Variants in ALDH1L1 observed in about 807,000 individuals in gnomAD.
ALDH1L1 encodes aldehyde dehydrogenase 1 family member L1.
In ALDH1L1, 68 loss-of-function variants were observed where a neutral mutation model predicts 101.1. The ratio of observed to expected loss-of-function variants is 0.67; its 90% CI spans 0.55 to 0.82. The LOEUF (loss-of-function observed/expected upper bound fraction) is 0.82, where lower values mean the gene tolerates loss of function less well. Among genes scored for constraint, ALDH1L1 ranks in the 40% least tolerant of loss-of-function variants. The pLI is 0.00. For missense variants in ALDH1L1, 1,087 were observed against 1,172.7 expected (o/e 0.93, Z 1.07); for synonymous variants, 486 against 470.8 (o/e 1.03, Z -0.42).
chr3:126,121,248 C>T (rs2080073933), intron 16 of ALDH1L1, among the ~76,000 whole-genome samples: 1 of 152,178 alleles, frequency 6.6e-6, no homozygotes, highest in East Asian at 1.9e-4. Context: ...CATCCAGACT[C>T]GTAGCCTCCA....
chr3:126,127,949 G>A (rs1297837834), intron 14 of ALDH1L1, among the ~76,000 whole-genome samples: 1 of 151,968 alleles, frequency 6.6e-6, no homozygotes, highest in African/African-American at 2.4e-5. Flanking sequence ...GAGGTCTGGC[G>A]GATGCATCAC....
chr3:126,193,593 TGTTTCTTTCGGCTGGGCTCA>T (rs1038907926), intron 1 of ALDH1L1, among the ~76,000 whole-genome samples: 1 of 152,216 alleles, frequency 6.6e-6, no homozygotes, highest in Non-Finnish European at 1.5e-5. Context: ...CATGGTCCCA[TGTTTCTTTCGGCTGGGCTCA>T]GGAAGGACAA....
At chr3:126,135,373 G>T in intron 12 of ALDH1L1, 162 bp downstream of exon 12, 1 of 906,564 alleles carries the variant, frequency 1.1e-6, no homozygotes, top group Non-Finnish European at 1.6e-6. Flanking sequence ...TGAGCCTCAG[G>T]CAAGGAGCCC....
chr3:126,153,814 C>A (rs1301279014), intron 6 of ALDH1L1, among the ~76,000 whole-genome samples: 2 of 152,216 alleles, frequency 1.3e-5, no homozygotes, highest in African/African-American at 4.8e-5. Flanking sequence ...CTCAACTCTG[C>A]CATAAGACCC....
intron 1 of ALDH1L1, among the ~76,000 whole-genome samples, chr3:126,194,669 T>C (rs1027903179): frequency 2.0e-5 from 3 of 152,206 alleles, no homozygotes; most frequent in African/African-American, 7.2e-5. Context: ...ACCAGATTAA[T>C]TTTTAGAAAA....
chr3:126,118,172 T>A (rs1186576462), intron 16 of ALDH1L1, 74 bp from the exon 17 acceptor site: 1 of 1,220,424 alleles, frequency 8.2e-7, no homozygotes, highest in African/African-American at 1.5e-5. Flanking sequence ...CCTCCAGGAC[T>A]GCACAGGTTC....
rs771934510 is a variant in ALDH1L1, at chr3:126,146,865, T to C, written c.1046A>G (p.Lys349Arg). The C allele has an allele frequency of 1.9e-6, 3 of 1,613,976 alleles. No individual in the cohort carries two copies. The highest frequency in any genetic ancestry group is 2.5e-6 in the Non-Finnish European group (3 of 1,179,962). The stretch of plus-strand genomic sequence containing the variant: ...AACGTCCACAGACGCGGCCCCTGAC[T>C]TGAAGAAATCAGTGGAGTCTTCAAC... ...LEVEDSTDFF[K>R]SGAASVDVVR... is the part of the protein sequence containing the mutation. The change falls in exon 9 of 23, where the codon AAG (lysine) becomes AGG (arginine). Residue 349 changes from lysine (K) to arginine (R), a missense_variant. Transcript: ENST00000393434.
intron 17 of ALDH1L1, 130 bp from the exon 18 acceptor site, chr3:126,114,786 T>TCCCC: frequency 2.5e-6 from 2 of 802,584 alleles, no homozygotes; most frequent in Non-Finnish European, 4.3e-6. Context: ...GGCCAGTGCC[T>TCCCC]CCCCACTCCC....
rs1471712251 is a variant in ALDH1L1, at chr3:126,131,451, A to C, written c.1556T>G (p.Leu519Arg). The change falls in exon 13 of 23, where the codon CTG (leucine) becomes CGG (arginine). Residue 519 changes from leucine (L) to arginine (R), a missense_variant. Coordinates refer to ENST00000393434, the MANE Select transcript of ALDH1L1 (RefSeq NM_012190.4). The part of the protein sequence containing the change: ...LDAGAVYTLA[L>R]KTHVGMSIQT... ...GATGGACATGCCCACGTGGGTCTTC[A>C]GGGCCAGCGTGTAGACGGCACCCGC... is the stretch of plus-strand genomic sequence containing the variant. 2.5e-6 allele frequency: 4 copies of C among 1,613,426 alleles called. No individual in the cohort carries two copies. In the South Asian group the frequency reaches 4.4e-5, roughly 18 times the overall value.
chr3:126,118,443 A>T (rs1263452889), intron 16 of ALDH1L1, among the ~76,000 whole-genome samples: 2 of 152,150 alleles, frequency 1.3e-5, no homozygotes, highest in Non-Finnish European at 2.9e-5. Flanking sequence ...AGATTTGGGC[A>T]ATGACCATGC....
chr3:126,111,910 T>C (rs1422703081), intron 19 of ALDH1L1, among the ~76,000 whole-genome samples: 1 of 152,204 alleles, frequency 6.6e-6, no homozygotes, highest in Non-Finnish European at 1.5e-5. Flanking sequence ...GGATGAAGGA[T>C]GGCTGAGGCC....
chr3:126,189,027 T>C lies in ALDH1L1; in HGVS notation c.-24+8708A>G, dbSNP rs1320686493. Among the ~76,000 whole-genome samples the C allele has an allele frequency of 2.0e-5, 3 of 152,328 alleles. No individual in the cohort carries two copies. The East Asian group carries it at 5.8e-4, about 29-fold the overall frequency. ...AGCATCAGCACCGACTCCTCCTTGCTCAGCTGATAAGCCATCTCGCATCCC... is the reference window on the plus strand; with the variant it reads ...AGCATCAGCACCGACTCCTCCTTGCCCAGCTGATAAGCCATCTCGCATCCC... On this transcript the variant is annotated intron_variant, in intron 1 of 2. Coordinates refer to the ALDH1L1 transcript ENST00000509952.
Position 126,131,434 on chromosome 3 carries a change from T to C in ALDH1L1, c.1573A>G (p.Met525Val), listed in dbSNP as rs145634762. 1.1e-4 allele frequency: 170 copies of C among 1,613,100 alleles called. No homozygotes were observed. The highest frequency in any genetic ancestry group is 1.4e-4 in the Non-Finnish European group (162 of 1,179,244). The change falls in exon 13 of 23, where the codon ATG (methionine) becomes GTG (valine). Residue 525 changes from methionine to valine, a missense_variant. By Grantham distance (21) the Met-to-Val change is conservative. This residue lies in a region of ALDH1L1 where 442 missense variants were observed against 535.7 expected (regional missense o/e 0.83). Coordinates refer to ENST00000393434, the MANE Select transcript of ALDH1L1 (RefSeq NM_012190.4). ...AAGTAGCGGAAGGTCTGGATGGACA[T>C]GCCCACGTGGGTCTTCAGGGCCAGC... ...YTLALKTHVG[M>V]SIQTFRYFAG...
At chr3:126,186,004 T>G (rs888857815), upstream of ALDH1L1, among the ~76,000 whole-genome samples, 1 of 151,278 alleles carries the variant, frequency 6.6e-6, no homozygotes, top group Non-Finnish European at 1.5e-5. Flanking sequence ...AGACAGAAAG[T>G]GGAATGGGGG....
intron 1 of ALDH1L1, among the ~76,000 whole-genome samples, chr3:126,186,985 T>C (rs1436696944): frequency 6.6e-6 from 1 of 152,108 alleles, no homozygotes; most frequent in Non-Finnish European, 1.5e-5. Context: ...ACTGTGGAGC[T>C]CTGAAGTTGG....
At chr3:126,157,199 A>T (rs929529319) in intron 4 of ALDH1L1, 144 bp downstream of exon 4, 13 of 1,012,834 alleles carry the variant, frequency 1.3e-5, no homozygotes, top group African/African-American at 3.2e-5. Context: ...TGCCTCTGAA[A>T]CCTTGAAGTG....
chr3:126,125,034 A>C (rs2080153626), intron 15 of ALDH1L1, among the ~76,000 whole-genome samples: 1 of 152,056 alleles, frequency 6.6e-6, no homozygotes, highest in South Asian at 2.1e-4. Flanking sequence ...TGTCATTGCC[A>C]ATGTACAGAT....
chr3:126,105,508 GCC>G, intron 22 of ALDH1L1: 1 of 602,526 alleles, frequency 1.7e-6, no homozygotes, highest in Non-Finnish European at 3.0e-6. Flanking sequence ...TCTCCTCCAG[GCC>G]CCTCTTCTTG....
At chr3:126,104,228 G>T (rs1283814798) in intron 22 of ALDH1L1, 4 of 257,888 alleles carry the variant, frequency 1.6e-5, no homozygotes, top group Non-Finnish European at 2.2e-5. Context: ...AGCTGTGGCT[G>T]GGAAAAGGGG....
Sources: allele counts gnomAD v4.1 joint callset (sites outside exome capture counted in the v4.1 genomes callset), GRCh38; gene constraint gnomAD v4.1.1; regional missense constraint gnomAD v4.1.1; transcripts MANE v1.5; gene names NCBI Gene and HGNC (gene_info 2026-07-23, HGNC 2026-07-21).